The following ASIC2 variants were observed in gnomAD, a reference collection of about 807,000 sequenced individuals.
The protein encoded by ASIC2 is acid sensing ion channel subunit 2.
ASIC2 carries 25 observed loss-of-function variants against 57.3 expected under a neutral mutation model. That is an observed-to-expected ratio of 0.44 (90% CI 0.32 to 0.61). The LOEUF is 0.61. Among genes scored for constraint, ASIC2 ranks in the 20% least tolerant of loss-of-function variants. ASIC2 has a pLI of 0.06. For missense variants in ASIC2, 641 were observed against 738.1 expected (o/e 0.87, Z 1.52); for synonymous variants, 319 against 307.5 (o/e 1.04, Z -0.39).
intron 1 of ASIC2, among the ~76,000 whole-genome samples, chr17:33,756,712 G>T (rs1910615346): frequency 6.6e-6 from 1 of 151,734 alleles, no homozygotes; most frequent in African/African-American, 2.4e-5. Context: ...CTTTAAGAAG[G>T]TAAAGAGAAA....
At chr17:33,180,662 T>A (rs1474401849) in intron 1 of ASIC2, among the ~76,000 whole-genome samples, 2 of 152,026 alleles carry the variant, frequency 1.3e-5, no homozygotes, top group African/African-American at 4.8e-5. Context: ...ACTGAAAAAA[T>A]TTCTACTGGG....
At chr17:33,540,159 T>G (rs1240825475) in intron 1 of ASIC2, among the ~76,000 whole-genome samples, 2 of 152,208 alleles carry the variant, frequency 1.3e-5, no homozygotes, top group African/African-American at 2.4e-5. Flanking sequence ...CAGGCCTCTC[T>G]TCTAGCTTTT....
intron 1 of ASIC2, among the ~76,000 whole-genome samples, chr17:33,723,140 G>C (rs1909437890): frequency 6.6e-6 from 1 of 151,950 alleles, no homozygotes; most frequent in Non-Finnish European, 1.5e-5. Context: ...GCCATCAACA[G>C]AAAAATACAT....
chr17:33,994,101 A>T (rs540821147), intron 1 of ASIC2, among the ~76,000 whole-genome samples: 1 of 152,120 alleles, frequency 6.6e-6, no homozygotes, highest in African/African-American at 2.4e-5. Flanking sequence ...CTTTGCAAAT[A>T]TTTCATCAAA....
intron 1 of ASIC2, among the ~76,000 whole-genome samples, chr17:33,496,636 T>C (rs943658654): frequency 7.3e-5 from 8 of 110,080 alleles, no homozygotes; most frequent in Admixed American, 1.0e-4. Context: ...TTTTTTTTTT[T>C]AGATGGGGTC....
intron 1 of ASIC2, among the ~76,000 whole-genome samples, chr17:33,772,625 TAC>T (rs1006663301): frequency 2.0e-5 from 3 of 152,236 alleles, no homozygotes; most frequent in Admixed American, 6.5e-5. Flanking sequence ...TATACAAAGA[TAC>T]ACTATATCCT....
intron 1 of ASIC2, among the ~76,000 whole-genome samples, chr17:33,585,502 T>G (rs1340350107): frequency 6.6e-6 from 1 of 152,220 alleles, no homozygotes. Flanking sequence ...CTGCACTTTT[T>G]CCTTCCCACC....
intron 1 of ASIC2, among the ~76,000 whole-genome samples, chr17:33,720,464 C>T (rs1909353856): frequency 6.6e-6 from 1 of 152,120 alleles, no homozygotes; most frequent in South Asian, 2.1e-4. Flanking sequence ...GAAGAAATTG[C>T]AAGGCAACGT....
intron 1 of ASIC2, among the ~76,000 whole-genome samples, chr17:33,336,605 T>G (rs1907523135): frequency 6.6e-6 from 1 of 152,082 alleles, no homozygotes; most frequent in African/African-American, 2.4e-5. Context: ...GAGGGTATCG[T>G]TTAGTCCCAT....
chr17:33,846,944 C>T (rs1913623826), intron 1 of ASIC2, among the ~76,000 whole-genome samples: 1 of 152,006 alleles, frequency 6.6e-6, no homozygotes, highest in Non-Finnish European at 1.5e-5. Flanking sequence ...TTTTCAAACC[C>T]ACTGTGTCAT....
intron 1 of ASIC2, among the ~76,000 whole-genome samples, chr17:33,956,795 A>T (rs1362389683): frequency 2.6e-5 from 4 of 152,176 alleles, no homozygotes; most frequent in Non-Finnish European, 5.9e-5. Context: ...TCAAGTACTG[A>T]CATCATGGCA....
intron 3 of ASIC2, among the ~76,000 whole-genome samples, chr17:33,069,920 TC>T (rs2092060803): frequency 6.6e-6 from 1 of 152,186 alleles, no homozygotes. Flanking sequence ...TTTTCTCCCT[TC>T]CCTCATTTTC....
intron 1 of ASIC2, among the ~76,000 whole-genome samples, chr17:33,565,191 C>G (rs1916196378): frequency 6.6e-6 from 1 of 152,146 alleles, no homozygotes; most frequent in Non-Finnish European, 1.5e-5. Flanking sequence ...CAACTCTGTC[C>G]TGCAGGATCT....
intron 1 of ASIC2, chr17:33,634,778 C>T (rs977616597): frequency 6.7e-6 from 1 of 148,310 alleles, no homozygotes; most frequent in South Asian, 2.1e-4. Flanking sequence ...TGGTCTCAAT[C>T]TCCTGACCTC....
chr17:33,484,088 C>T (rs1182109592), intron 1 of ASIC2, among the ~76,000 whole-genome samples: 2 of 152,208 alleles, frequency 1.3e-5, no homozygotes, highest in Non-Finnish European at 2.9e-5. Flanking sequence ...TAGGAAGAAA[C>T]AGCCCTGCTA....
Position 34,092,455 on chromosome 17 carries a change from G to A in ASIC2, c.555+63523C>T, listed in dbSNP as rs192092524. On this transcript the variant is annotated intron_variant, in intron 1 of 9. Transcript: ENST00000359872. ...ATTAAGTCCCACCCTTGTCCCTCAT[G>A]TCCAATGTCATTGTGTTGTGCCAAG... Among the ~76,000 whole-genome samples, 6 of 152,284 alleles carry A rather than the reference G, an allele frequency of 3.9e-5. No individual in the cohort carries two copies. In the East Asian group the frequency reaches 7.7e-4, roughly 20 times the overall value.
chr17:34,097,544 G>A (rs755767873), intron 1 of ASIC2, among the ~76,000 whole-genome samples: 1 of 152,270 alleles, frequency 6.6e-6, no homozygotes, highest in Non-Finnish European at 1.5e-5. Context: ...AGTAGGATGG[G>A]CTCCATTTCA....
In ASIC2 at chr17:33,801,234, A is replaced by G. The variant is rs142433252; in HGVS notation, c.555+354744T>C. ...AGGAGAGGAAGGAAAATGAGGGTTC[A>G]TCGTGTGATGGTAGGAGGAAGAAGT... is the stretch of plus-strand genomic sequence containing the variant. On this transcript the variant is annotated intron_variant, in intron 1 of 9. Transcript: ENST00000359872. 1.2e-4 allele frequency among the ~76,000 whole-genome samples: 19 copies of G among 152,344 alleles called. No individual in the cohort carries two copies. The East Asian group carries it at 3.5e-3, about 28-fold the overall frequency.
intron 1 of ASIC2, among the ~76,000 whole-genome samples, chr17:33,360,385 G>T (rs1908551074): frequency 6.6e-6 from 1 of 152,190 alleles, no homozygotes; most frequent in Non-Finnish European, 1.5e-5. Flanking sequence ...GGGAGACCCA[G>T]TGCTTACCTT....
Sources: gnomAD v4.1 joint callset for allele counts (sites outside exome capture counted in the v4.1 genomes callset) on GRCh38, gnomAD v4.1.1 for gene constraint, MANE v1.5 for transcripts, NCBI Gene and HGNC (gene_info 2026-07-23, HGNC 2026-07-21) for gene names.